TESMIN: variants seen among roughly 807,000 people sequenced by gnomAD.
The protein encoded by TESMIN is testis expressed metallothionein like protein.
TESMIN carries 34 observed loss-of-function variants against 47.4 expected under a neutral mutation model. The observed-to-expected ratio is 0.72, with a 90% confidence interval of 0.55 to 0.96. The LOEUF is 0.96. Among genes scored for constraint, TESMIN ranks in the 40% least tolerant of loss-of-function variants. The pLI, the probability that TESMIN is intolerant of heterozygous loss-of-function variation, is 0.00. For missense variants in TESMIN, 610 were observed against 637.2 expected (o/e 0.96, Z 0.46); for synonymous variants, 278 against 258.9 (o/e 1.07, Z -0.71).
chr11:68,736,012 C>T, intron 6 of TESMIN: 1 of 893,226 alleles, frequency 1.1e-6, no homozygotes, highest in Non-Finnish European at 1.3e-6. Context: ...CTCTCAGTGC[C>T]CATCTAAAAA....
At chr11:68,744,933 A>G in intron 4 of TESMIN, 58 bp downstream of exon 4, 1 of 1,417,760 alleles carries the variant, frequency 7.1e-7, no homozygotes, top group Non-Finnish European at 9.5e-7. Context: ...AAAGCCAAAC[A>G]TATTCATTTA....
chr11:68,705,020 G>A (rs1216574111), downstream of TESMIN, among the ~76,000 whole-genome samples: 2 of 152,344 alleles, frequency 1.3e-5, no homozygotes, highest in South Asian at 2.1e-4. Flanking sequence ...TTGGGAGCAG[G>A]ATGGAGGCAG....
At chr11:68,732,229 C>T (rs1210057450) in intron 6 of TESMIN, among the ~76,000 whole-genome samples, 2 of 152,212 alleles carry the variant, frequency 1.3e-5, no homozygotes, top group Admixed American at 6.5e-5. Context: ...CCAATGCTGA[C>T]CGAGTGCCCT....
chr11:68,721,005 C>G (rs987117451), intron 6 of TESMIN, among the ~76,000 whole-genome samples: 1 of 152,082 alleles, frequency 6.6e-6, no homozygotes. Context: ...ATTCTACAAA[C>G]TGCTTCAGTG....
downstream of TESMIN, among the ~76,000 whole-genome samples, chr11:68,707,088 C>T (rs1417711324): frequency 6.6e-6 from 1 of 152,260 alleles, no homozygotes; most frequent in Non-Finnish European, 1.5e-5. Context: ...CTCTGGTTTT[C>T]TGCCACAGAC....
intron 6 of TESMIN, chr11:68,737,619 C>T: frequency 1.0e-6 from 1 of 985,676 alleles, no homozygotes; most frequent in Non-Finnish European, 1.2e-6. Flanking sequence ...AGACTGTGGG[C>T]CCAAAGAACT....
intron 6 of TESMIN, among the ~76,000 whole-genome samples, chr11:68,723,451 A>G (rs1273789006): frequency 1.3e-5 from 2 of 150,200 alleles, no homozygotes; most frequent in Non-Finnish European, 3.0e-5. Context: ...TACAGCTTTA[A>G]GTGCATTTCC....
intron 7 of TESMIN, 129 bp from the exon 8 acceptor site, chr11:68,713,536 C>T: frequency 2.0e-6 from 2 of 991,736 alleles, no homozygotes; most frequent in Non-Finnish European, 3.0e-6. Flanking sequence ...TGACATGGTT[C>T]AGAAGGTGCA....
At chr11:68,728,336 T>A (rs1035436052) in intron 6 of TESMIN, among the ~76,000 whole-genome samples, 1 of 152,122 alleles carries the variant, frequency 6.6e-6, no homozygotes, top group Non-Finnish European at 1.5e-5. Context: ...CAAAGCCTAA[T>A]CCAGAGCAAG....
chr11:68,711,615 T>G (rs567531347), intron 8 of TESMIN, among the ~76,000 whole-genome samples: 61 of 152,266 alleles, frequency 4.0e-4, no homozygotes, highest in African/African-American at 1.3e-3. Context: ...CTTTGACTTG[T>G]TTTGAAGAAA....
At chr11:68,731,389 C>T (rs1477377351) in intron 6 of TESMIN, among the ~76,000 whole-genome samples, 2 of 151,800 alleles carry the variant, frequency 1.3e-5, no homozygotes, top group Non-Finnish European at 2.9e-5. Flanking sequence ...GATTGAGCCA[C>T]TGCACACCAG....
intron 6 of TESMIN, 180 bp downstream of exon 6, chr11:68,738,520 G>T (rs1219881750): frequency 7.2e-7 from 1 of 1,390,810 alleles, no homozygotes; most frequent in Non-Finnish European, 9.3e-7. Flanking sequence ...TGCAGCCCCA[G>T]TGAAACCAGA....
rs1946442987 is a variant in TESMIN, at chr11:68,740,472, T to C, written c.829-1684A>G. 2.0e-5 allele frequency among the ~76,000 whole-genome samples: 3 copies of C among 152,256 alleles called. No homozygotes were observed. In the Middle Eastern group the frequency reaches 0.01, roughly 518 times the overall value. ...CAAGTTGTGGCCAAATGGGTGTTTC[T>C]CATGGAAGATCTTAGAGGTGAAAGA... is the stretch of plus-strand genomic sequence containing the variant. On this transcript the variant is annotated intron_variant, in intron 5 of 9. Coordinates refer to ENST00000255087, the MANE Select transcript of TESMIN (RefSeq NM_004923.3).
At chr11:68,705,615 A>C (rs1405978129), downstream of TESMIN, among the ~76,000 whole-genome samples, 1 of 152,228 alleles carries the variant, frequency 6.6e-6, no homozygotes, top group Non-Finnish European at 1.5e-5. Flanking sequence ...CGTGTCTATG[A>C]AAAAACAAGG....
At chr11:68,744,706 A>AT (rs1946496698) in intron 4 of TESMIN, among the ~76,000 whole-genome samples, 1 of 152,210 alleles carries the variant, frequency 6.6e-6, no homozygotes, top group Non-Finnish European at 1.5e-5. Context: ...ATTCCTACCA[A>AT]TGCAGTGTCG....
intron 6 of TESMIN, among the ~76,000 whole-genome samples, chr11:68,721,964 C>A (rs1946208717): frequency 6.6e-6 from 1 of 152,226 alleles, no homozygotes; most frequent in African/African-American, 2.4e-5. Context: ...AGCAATTCCA[C>A]TTCTGGGTAT....
chr11:68,732,088 A>C (rs576121147), intron 6 of TESMIN, among the ~76,000 whole-genome samples: 13 of 152,174 alleles, frequency 8.5e-5, no homozygotes, highest in African/African-American at 2.6e-4. Flanking sequence ...GACATCGAGT[A>C]GATTGGGAGG....
At chr11:68,719,766 C>T (rs929812759) in intron 6 of TESMIN, among the ~76,000 whole-genome samples, 4 of 152,036 alleles carry the variant, frequency 2.6e-5, no homozygotes, top group Non-Finnish European at 5.9e-5. Context: ...AGAAATTAGT[C>T]TAGATGCAGC....
intron 6 of TESMIN, chr11:68,736,293 T>C: frequency 1.0e-6 from 1 of 985,434 alleles, no homozygotes; most frequent in Non-Finnish European, 1.2e-6. Context: ...ATTAATATGA[T>C]AAGCTAGTTA....
Sources: gnomAD v4.1 joint callset for allele counts (sites outside exome capture counted in the v4.1 genomes callset) on GRCh38, gnomAD v4.1.1 for gene constraint, MANE v1.5 for transcripts, NCBI Gene and HGNC (gene_info 2026-07-23, HGNC 2026-07-21) for gene names.